The following TGFBR3 variants were observed in gnomAD, a reference collection of about 807,000 sequenced individuals.
TGFBR3 encodes transforming growth factor beta receptor 3.
TGFBR3 carries 46 observed loss-of-function variants against 87.9 expected under a neutral mutation model. The observed-to-expected ratio is 0.52, with a 90% CI of 0.41 to 0.67. TGFBR3 has a LOEUF of 0.67. Among genes scored for constraint, TGFBR3 ranks in the 30% least tolerant of loss-of-function variants. TGFBR3 has a pLI of 0.00. For synonymous variants in TGFBR3, 381 were observed against 391.6 expected, an observed-to-expected ratio of 0.97 and a Z score of 0.32; for missense variants, 866 against 1,041.9, an observed-to-expected ratio of 0.83 and a Z score of 2.32.
chr1:91,689,032 A>C (rs1334506506), intron 16 of TGFBR3, among the ~76,000 whole-genome samples: 1 of 152,158 alleles, frequency 6.6e-6, no homozygotes, highest in African/African-American at 2.4e-5. Context: ...TTATTTTATA[A>C]AACCATTAAA....
rs1008590596 is a variant in TGFBR3, at chr1:91,707,614, C to A, written c.2287+1049G>T. Among the ~76,000 whole-genome samples the A allele has an allele frequency of 1.3e-4, 20 of 152,336 alleles. No individual in the cohort carries two copies. The East Asian group carries it at 3.1e-3, about 24-fold the overall frequency. On this transcript the variant is annotated intron_variant, in intron 14 of 16. Coordinates refer to ENST00000212355, the MANE Select transcript of TGFBR3 (RefSeq NM_003243.5). ...AGCCAGACAGTGTGCTGGCTTTTGT[C>A]AAGGCCCTTGGTGCCCAGGCTCCTC... is the stretch of plus-strand genomic sequence containing the variant.
chr1:91,695,640 T>C, intron 16 of TGFBR3, 32 bp downstream of exon 16: 1 of 1,555,396 alleles, frequency 6.4e-7, no homozygotes, highest in Non-Finnish European at 8.9e-7. Context: ...ACACAAGCTG[T>C]TCACCAACTC....
At chr1:91,833,021 A>G (rs1046719793) in intron 2 of TGFBR3, among the ~76,000 whole-genome samples, 6 of 143,980 alleles carry the variant, frequency 4.2e-5, no homozygotes. Context: ...AAAAAAAAAA[A>G]GCCAGGTGCA....
intron 2 of TGFBR3, among the ~76,000 whole-genome samples, chr1:91,858,187 T>A (rs568649656): frequency 2.9e-4 from 44 of 152,316 alleles, no homozygotes; most frequent in African/African-American, 1.1e-3. Flanking sequence ...TGACACACAG[T>A]AATTATTTGA....
chr1:91,896,985 C>T (rs1401603651), intron 2 of TGFBR3, among the ~76,000 whole-genome samples: 1 of 148,628 alleles, frequency 6.7e-6, no homozygotes, highest in African/African-American at 2.5e-5. Context: ...TTAAAAAAGA[C>T]AAAGTAAGTT....
At chr1:91,853,060 G>C (rs1025096587) in intron 2 of TGFBR3, among the ~76,000 whole-genome samples, 2 of 151,774 alleles carry the variant, frequency 1.3e-5, no homozygotes, top group Non-Finnish European at 2.9e-5. Flanking sequence ...TTGGGGGTCT[G>C]TGGGGGGAAA....
At chr1:91,884,719 G>C (rs1309824159) in intron 1 of TGFBR3, among the ~76,000 whole-genome samples, 1 of 152,226 alleles carries the variant, frequency 6.6e-6, no homozygotes, top group African/African-American at 2.4e-5. Flanking sequence ...TGAGGATTAA[G>C]TGCACACAGT....
At chr1:91,830,427 C>G (rs1293551040) in intron 2 of TGFBR3, among the ~76,000 whole-genome samples, 1 of 152,124 alleles carries the variant, frequency 6.6e-6, no homozygotes, top group Non-Finnish European at 1.5e-5. Flanking sequence ...TATGGATGCC[C>G]CAGGCTTGAG....
In TGFBR3 at chr1:91,708,752, A is replaced by G; in HGVS notation, c.2198T>C (p.Leu733Pro). Residue 733 changes from leucine (L) to proline (P), a missense_variant, in exon 14 of 17, where the codon CTG (leucine) becomes CCG (proline). By Grantham distance (98) the Leu-to-Pro change is moderately conservative (BLOSUM62 -3). Coordinates refer to ENST00000212355, the MANE Select transcript of TGFBR3 (RefSeq NM_003243.5). Reference sequence around the variant, plus strand: ...CATGGCCCAGATTATCGAGGCGTCCAGCGAGGTGCAGGCTTCGTCAGGAGG... The same window carrying G: ...CATGGCCCAGATTATCGAGGCGTCCGGCGAGGTGCAGGCTTCGTCAGGAGG... Reference protein sequence around the residue: ...CVPPDEACTSLDASIIWAMMQ... With the variant: ...CVPPDEACTSPDASIIWAMMQ... 6.2e-7 allele frequency: 1 copy of G among 1,614,118 alleles called. No homozygotes were observed. The highest frequency in any genetic ancestry group is 8.5e-7 in the Non-Finnish European group (1 of 1,180,000).
chr1:91,715,576 A>C (rs1456350970), intron 12 of TGFBR3, among the ~76,000 whole-genome samples: 2 of 152,206 alleles, frequency 1.3e-5, no homozygotes, highest in East Asian at 3.8e-4. Context: ...AGATGTTGTT[A>C]TTTCATTATT....
chr1:91,789,423 G>T (rs1220338080), intron 3 of TGFBR3, among the ~76,000 whole-genome samples: 9 of 152,188 alleles, frequency 5.9e-5, no homozygotes, highest in Non-Finnish European at 1.3e-4. Flanking sequence ...ATTCTAAAAA[G>T]GCCGAGTCCA....
chr1:91,844,618 A>G (rs1462328754), intron 2 of TGFBR3, among the ~76,000 whole-genome samples: 2 of 152,234 alleles, frequency 1.3e-5, no homozygotes, highest in Non-Finnish European at 2.9e-5. Flanking sequence ...GCAAATAACC[A>G]TACTTATTTT....
chr1:91,749,125 G>A (rs1367264916), intron 4 of TGFBR3, among the ~76,000 whole-genome samples: 3 of 152,118 alleles, frequency 2.0e-5, no homozygotes, highest in African/African-American at 7.2e-5. Flanking sequence ...TAAAAACCCT[G>A]TTTTAATGGA....
At chr1:91,711,036 T>G (rs1162059196) in intron 13 of TGFBR3, among the ~76,000 whole-genome samples, 4 of 152,104 alleles carry the variant, frequency 2.6e-5, no homozygotes, top group Non-Finnish European at 5.9e-5. Flanking sequence ...CTGCTAGGTC[T>G]CCCCTCCAAG....
In TGFBR3 at chr1:91,716,683, C is replaced by A. The variant is rs1672187056; in HGVS notation, c.1592G>T (p.Gly531Val). The A allele has an allele frequency of 6.2e-7, 1 of 1,614,046 alleles. No homozygotes were observed. The highest frequency in any genetic ancestry group is 1.3e-5 in the African/African-American group (1 of 74,994). The change falls in exon 11 of 17, where the codon GGG becomes GTG. Residue 531 changes from glycine (G) to valine (V), a missense_variant. Physicochemically the swap from Gly to Val is moderately radical, Grantham distance 109. Coordinates refer to ENST00000212355, the MANE Select transcript of TGFBR3 (RefSeq NM_003243.5). The stretch of plus-strand genomic sequence containing the variant: ...ACCATCTGGCCAACCACTACTGTCC[C>A]CAAGGGCTGGAACCTGTATCACAAT... The part of the protein sequence containing the change: ...NSIVIQVPAL[G>V]DSSGWPDGYE...
chr1:91,849,571 C>T (rs924747759), intron 2 of TGFBR3, among the ~76,000 whole-genome samples: 1 of 152,216 alleles, frequency 6.6e-6, no homozygotes, highest in Non-Finnish European at 1.5e-5. Flanking sequence ...CAATCCCCAA[C>T]CTCTTTGCTT....
chr1:91,716,317 C>CATGTTGAAGGTG lies in TGFBR3; in HGVS notation c.1773_1784dup (p.Ile591_Asn594dup), dbSNP rs775226908. ...AAAAGAGGTCAGTGTTGTATAGCTC[C>CATGTTGAAGGTG]ATGTTGAAGGTGATGTTTCCGTGGG... On this transcript the variant is annotated inframe_insertion, in exon 12 of 17. Transcript: ENST00000212355. The CATGTTGAAGGTG allele has an allele frequency of 1.2e-6, 2 of 1,614,018 alleles. No individual in the cohort carries two copies.
Position 91,716,355 on chromosome 1 carries a change from A to G in TGFBR3, c.1747T>C (p.Phe583Leu), listed in dbSNP as rs762609649. 1.2e-6 allele frequency: 2 copies of G among 1,614,160 alleles called. No individual in the cohort carries two copies. Residue 583 changes from phenylalanine to leucine, a missense_variant, in exon 12 of 17, where the codon TTC becomes CTC. Phe to Leu is a conservative substitution (Grantham distance 22). Transcript: ENST00000212355. ...SLQQVRNPSS[F>L]QEQPHGNITF... is the part of the protein sequence containing the mutation. ...ATGTTTCCGTGGGGCTGTTCCTGGA[A>G]GCTGCTGGGGTTCCTCACCTGCTGA...
At chr1:91,699,192 G>A (rs1294458577) in intron 14 of TGFBR3, among the ~76,000 whole-genome samples, 2 of 152,054 alleles carry the variant, frequency 1.3e-5, no homozygotes, top group African/African-American at 4.8e-5. Flanking sequence ...AGTAATTTAA[G>A]CTTCCCAAAT....
Sources: allele counts gnomAD v4.1 joint callset (sites outside exome capture counted in the v4.1 genomes callset), GRCh38; gene constraint gnomAD v4.1.1; transcripts MANE v1.5; gene names NCBI Gene and HGNC (gene_info 2026-07-23, HGNC 2026-07-21).